PRICKLE1: variants seen among roughly 807,000 people sequenced by gnomAD.
PRICKLE1 encodes prickle planar cell polarity protein 1.
A neutral mutation model predicts 70.2 loss-of-function variants in PRICKLE1; 14 were observed. The observed-to-expected ratio is 0.20, with a 90% confidence interval of 0.13 to 0.31. PRICKLE1 has a LOEUF of 0.31. PRICKLE1 is among the 10% of genes least tolerant of loss of function. The probability of loss-of-function intolerance (pLI) is 1.00; values close to 1 mark genes in which losing one functional copy is unlikely to be tolerated. For missense variants in PRICKLE1, 821 were observed against 1,026.2 expected (o/e 0.80, Z 2.73); for synonymous variants, 357 against 379.9 (o/e 0.94, Z 0.70).
chr12:42,570,745 G>A (rs10880317), intron 1 of PRICKLE1, among the ~76,000 whole-genome samples: 37,725 of 151,994 alleles, frequency 0.25, 5,081 homozygotes, highest in East Asian at 0.42. Flanking sequence ...ACTTGAACCC[G>A]GGAGGCGGAG....
At chr12:42,507,549 C>G (rs1283331632) in intron 1 of PRICKLE1, among the ~76,000 whole-genome samples, 4 of 152,210 alleles carry the variant, frequency 2.6e-5, no homozygotes, top group African/African-American at 7.2e-5. Flanking sequence ...AGTTCTATAG[C>G]TTTTCACTTG....
At chr12:42,497,905 G>A (rs890704636) in intron 1 of PRICKLE1, among the ~76,000 whole-genome samples, 5 of 152,068 alleles carry the variant, frequency 3.3e-5, no homozygotes, top group Non-Finnish European at 7.4e-5. Context: ...CCCTGGACAC[G>A]ACCGCAGCCT....
chr12:42,552,984 A>T (rs544016979), intron 1 of PRICKLE1, among the ~76,000 whole-genome samples: 111 of 152,316 alleles, frequency 7.3e-4, no homozygotes, highest in African/African-American at 2.5e-3. Context: ...CTGATCTGAC[A>T]GGAGGTGGAG....
intron 1 of PRICKLE1, among the ~76,000 whole-genome samples, chr12:42,580,276 A>G (rs879534052): frequency 4.6e-5 from 7 of 152,224 alleles, no homozygotes; most frequent in African/African-American, 1.7e-4. Context: ...AGGATGCTCA[A>G]AAAGTGAGGA....
chr12:42,513,220 C>T lies in PRICKLE1; in HGVS notation c.-48-40656G>A, dbSNP rs532906594. On this transcript the variant is annotated intron_variant, in intron 1 of 7. Transcript: ENST00000345127. ...CAGGTGATCCGCCCCCCTCGGCATC[C>T]CAAAGCACTGGGATTACAGGGGTGA... Among the ~76,000 whole-genome samples the T allele has an allele frequency of 2.6e-5, 4 of 152,234 alleles. No individual in the cohort carries two copies. In the South Asian group the frequency reaches 8.3e-4, roughly 32 times the overall value.
At chr12:42,475,858 TG>T (rs5797797) in intron 1 of PRICKLE1, among the ~76,000 whole-genome samples, 94,855 of 148,978 alleles carry the variant, frequency 0.64, 30,114 homozygotes, top group African/African-American at 0.68. Context: ...TTTGGGAGGC[TG>T]GGGGGGGGCG....
intron 1 of PRICKLE1, among the ~76,000 whole-genome samples, chr12:42,487,664 T>C (rs1939012869): frequency 6.6e-6 from 1 of 152,234 alleles, no homozygotes; most frequent in Admixed American, 6.5e-5. Context: ...TAAGGTGTTG[T>C]GTTTTTCATC....
At chr12:42,586,222 T>A (rs894453106) in intron 1 of PRICKLE1, among the ~76,000 whole-genome samples, 1 of 152,150 alleles carries the variant, frequency 6.6e-6, no homozygotes, top group Non-Finnish European at 1.5e-5. Context: ...ATTTAGGCAA[T>A]CTTAATATTC....
At chr12:42,501,432 C>T (rs1470462276) in intron 1 of PRICKLE1, among the ~76,000 whole-genome samples, 1 of 146,520 alleles carries the variant, frequency 6.8e-6, no homozygotes, top group Non-Finnish European at 1.5e-5. Flanking sequence ...ATCGCTTGAA[C>T]CCGGGAAGGG....
chr12:42,490,084 C>T (rs1251676447), intron 1 of PRICKLE1: 3 of 152,086 alleles, frequency 2.0e-5, no homozygotes, highest in African/African-American at 7.2e-5. Flanking sequence ...AATGACTGGT[C>T]TAATTTTCAG....
At chr12:42,475,865 G>C (rs1938502962) in intron 1 of PRICKLE1, among the ~76,000 whole-genome samples, 1 of 151,854 alleles carries the variant, frequency 6.6e-6, no homozygotes, top group Admixed American at 6.6e-5. Flanking sequence ...GGCTGGGGGG[G>C]GGCGGGGGCA....
chr12:42,480,255 T>G (rs1427078911), intron 1 of PRICKLE1, among the ~76,000 whole-genome samples: 4 of 152,210 alleles, frequency 2.6e-5, no homozygotes, highest in Admixed American at 6.5e-5. Flanking sequence ...CTTTCAAAAT[T>G]TGTTGCTTCC....
At chr12:42,521,038 G>A (rs1349173238) in intron 1 of PRICKLE1, among the ~76,000 whole-genome samples, 2 of 152,096 alleles carry the variant, frequency 1.3e-5, no homozygotes, top group Non-Finnish European at 2.9e-5. Context: ...GGGCATGCTG[G>A]TGCACGCCTG....
At chr12:42,555,224 A>C (rs1940394898) in intron 1 of PRICKLE1, among the ~76,000 whole-genome samples, 2 of 152,162 alleles carry the variant, frequency 1.3e-5, no homozygotes, top group South Asian at 4.1e-4. Flanking sequence ...GAATCACTTG[A>C]TCCTGGGAGG....
intron 1 of PRICKLE1, among the ~76,000 whole-genome samples, chr12:42,581,238 T>A (rs535704471): frequency 2.2e-4 from 33 of 152,252 alleles, no homozygotes; most frequent in African/African-American, 7.5e-4. Flanking sequence ...TCATTTTATA[T>A]ATGAAGAAAC....
chr12:42,543,027 T>A (rs537066408), intron 1 of PRICKLE1, among the ~76,000 whole-genome samples: 3 of 152,206 alleles, frequency 2.0e-5, no homozygotes, highest in Non-Finnish European at 4.4e-5. Context: ...TTCCACCATA[T>A]AAGGACACTG....
At chr12:42,586,390 CTTT>C (rs76144587) in intron 1 of PRICKLE1, among the ~76,000 whole-genome samples, 1 of 142,772 alleles carries the variant, frequency 7.0e-6, no homozygotes, top group Admixed American at 7.0e-5. Context: ...TTAAAATTAC[CTTT>C]TTTTTTTTTT....
At chr12:42,497,269 G>C (rs374354522) in intron 1 of PRICKLE1, among the ~76,000 whole-genome samples, 2 of 152,288 alleles carry the variant, frequency 1.3e-5, no homozygotes, top group East Asian at 3.9e-4. Context: ...TCGATGGCCG[G>C]GCGTGGTGGC....
At chr12:42,564,819 T>C (rs1195745574) in intron 1 of PRICKLE1, among the ~76,000 whole-genome samples, 2 of 152,168 alleles carry the variant, frequency 1.3e-5, no homozygotes, top group East Asian at 3.9e-4. Flanking sequence ...CAAAAGGATA[T>C]GCTTACTGTG....
Sources: allele counts gnomAD v4.1 joint callset (sites outside exome capture counted in the v4.1 genomes callset), GRCh38; gene constraint gnomAD v4.1.1; transcripts MANE v1.5; gene names NCBI Gene and HGNC (gene_info 2026-07-23, HGNC 2026-07-21).